Variants in RELN observed in about 807,000 individuals in gnomAD.
RELN encodes the protein reelin.
Under a neutral mutation model 427.6 loss-of-function variants are expected in RELN, and 108 were observed. The ratio of observed to expected loss-of-function variants is 0.25; its 90% CI spans 0.22 to 0.30. The LOEUF is 0.30. Ranked by LOEUF, RELN falls within the 10% of genes least tolerant of loss-of-function variation. RELN has a pLI of 1.00. For synonymous variants in RELN, 1,524 were observed against 1,513.4 expected, an observed-to-expected ratio of 1.01 and a Z score of -0.16; for missense variants, 3,715 against 4,302.8, an observed-to-expected ratio of 0.86 and a Z score of 3.82.
intron 11 of RELN, among the ~76,000 whole-genome samples, chr7:103,665,058 T>C (rs1054505064): frequency 3.3e-5 from 5 of 152,182 alleles, no homozygotes; most frequent in Non-Finnish European, 5.9e-5. Flanking sequence ...TTCTAAAAGT[T>C]TTAAAGCTTT....
chr7:103,895,605 G>A (rs1157283940), intron 2 of RELN, among the ~76,000 whole-genome samples: 1 of 152,022 alleles, frequency 6.6e-6, no homozygotes, highest in Non-Finnish European at 1.5e-5. Context: ...TCATGAAAAT[G>A]GTCCTGATTT....
intron 1 of RELN, among the ~76,000 whole-genome samples, chr7:103,943,146 C>T (rs901511808): frequency 1.3e-5 from 2 of 152,056 alleles, no homozygotes; most frequent in African/African-American, 2.4e-5. Context: ...TAAGAATAAC[C>T]GTATCATTGA....
intron 51 of RELN, among the ~76,000 whole-genome samples, chr7:103,506,085 C>T (rs548699092): frequency 3.2e-4 from 48 of 152,082 alleles, no homozygotes; most frequent in Non-Finnish European, 6.2e-4. Flanking sequence ...TATGGGACTA[C>T]GTGAAAAGAC....
intron 3 of RELN, among the ~76,000 whole-genome samples, chr7:103,803,286 C>T (rs536036268): frequency 6.6e-6 from 1 of 152,146 alleles, no homozygotes; most frequent in Non-Finnish European, 1.5e-5. Context: ...AATGTACTCA[C>T]AGTGATGATG....
intron 60 of RELN, 120 bp downstream of exon 60, chr7:103,489,622 G>A (rs1828579849): frequency 8.6e-7 from 1 of 1,157,648 alleles, no homozygotes; most frequent in East Asian, 2.6e-5. Flanking sequence ...AGTGTGTCAT[G>A]AATCTCAGAT....
intron 1 of RELN, among the ~76,000 whole-genome samples, chr7:103,972,894 A>ATGTATGTGTGTG (rs1554450649): frequency 8.7e-5 from 13 of 149,272 alleles, no homozygotes; most frequent in African/African-American, 2.7e-4. Flanking sequence ...GCATATGATT[A>ATGTATGTGTGTG]TGTGTGTGTG....
intron 46 of RELN, among the ~76,000 whole-genome samples, chr7:103,528,892 C>T (rs950792312): frequency 3.3e-5 from 5 of 151,270 alleles, no homozygotes; most frequent in African/African-American, 1.2e-4. Context: ...AATCCCAGCA[C>T]TTTGGGAGGC....
intron 6 of RELN, among the ~76,000 whole-genome samples, chr7:103,745,667 T>C (rs1308030715): frequency 2.0e-5 from 3 of 150,830 alleles, no homozygotes; most frequent in African/African-American, 4.9e-5. Flanking sequence ...CCATTCACAA[T>C]TGCTTCAAAG....
At chr7:103,928,235 C>T (rs1293491630) in intron 1 of RELN, among the ~76,000 whole-genome samples, 3 of 152,192 alleles carry the variant, frequency 2.0e-5, no homozygotes, top group Non-Finnish European at 4.4e-5. Flanking sequence ...ATGCTGGACT[C>T]AAATTCTGTA....
chr7:103,606,490 TA>T (rs1318416513), intron 22 of RELN, among the ~76,000 whole-genome samples: 1 of 152,160 alleles, frequency 6.6e-6, no homozygotes, highest in Non-Finnish European at 1.5e-5. Context: ...ACCTCTCAAA[TA>T]AAAGGTTTAG....
At position 103,626,063 on chromosome 7, in the gene RELN, T is replaced by C. The variant is rs915430084; in HGVS notation, c.2702+3877A>G. Among the ~76,000 whole-genome samples the C allele has an allele frequency of 6.6e-6, 1 of 152,006 alleles. No homozygotes were observed. Among genetic ancestry groups the C allele is most frequent in the Non-Finnish European group, 1.5e-5 (1 of 67,946 alleles). ...AATGGGTAGAAATTCTGGGTGGAGC[T>C]AGAAGTCAGGGATGTTTGTCATACA... is the stretch of plus-strand genomic sequence containing the variant. On this transcript the variant is annotated intron_variant, in intron 20 of 64. Coordinates refer to ENST00000428762, the MANE Select transcript of RELN (RefSeq NM_005045.4). This position sits in a 1 kb window ranked among gnomAD's most constrained non-coding sequence, Gnocchi z 4.4.
Position 103,535,424 on chromosome 7 carries a change from C to T in RELN, c.7241G>A (p.Cys2414Tyr). The T allele has an allele frequency of 6.2e-7, 1 of 1,613,922 alleles. No homozygotes were observed. Among genetic ancestry groups the T allele is most frequent in the Non-Finnish European group, 8.5e-7 (1 of 1,179,822 alleles). The change falls in exon 46 of 65, where the codon TGT (cysteine) becomes TAT (tyrosine). Residue 2414 changes from cysteine to tyrosine, a missense_variant. This residue lies in a region of RELN where 1,310 missense variants were observed against 1,643.0 expected (regional missense o/e 0.80). Coordinates refer to ENST00000428762, the MANE Select transcript of RELN (RefSeq NM_005045.4). ...ACTGCATTCCACATTGGTAGGCAGA[C>T]AGTCCCTTACCAATGGGTGCCATGA... is the stretch of plus-strand genomic sequence containing the variant. ...GLSWHPLVRD[C>Y]LPTNVECSRY...
intron 2 of RELN, among the ~76,000 whole-genome samples, chr7:103,866,810 T>A (rs1794210624): frequency 6.6e-6 from 1 of 152,008 alleles, no homozygotes; most frequent in Non-Finnish European, 1.5e-5. Context: ...AATATTTTCT[T>A]TACATCATCC....
intron 43 of RELN, among the ~76,000 whole-genome samples, chr7:103,540,963 C>T (rs1414543043): frequency 6.6e-6 from 1 of 152,188 alleles, no homozygotes; most frequent in Non-Finnish European, 1.5e-5. Context: ...TTGGGAGGCA[C>T]ATTTAAATTC....
intron 2 of RELN, among the ~76,000 whole-genome samples, chr7:103,889,393 G>A (rs1020692128): frequency 1.3e-5 from 2 of 152,136 alleles, no homozygotes; most frequent in African/African-American, 4.8e-5. Context: ...TCTCTTTTGG[G>A]AATGCTACCA....
chr7:103,701,980 T>G (rs2115801765), intron 8 of RELN, among the ~76,000 whole-genome samples: 1 of 152,340 alleles, frequency 6.6e-6, no homozygotes. Context: ...TCAGTGGTGT[T>G]TAGTACAAAA....
chr7:103,631,192 T>C (rs1220131482), intron 19 of RELN, among the ~76,000 whole-genome samples: 1 of 147,552 alleles, frequency 6.8e-6, no homozygotes, highest in African/African-American at 2.5e-5. Context: ...CTTGTTGCAA[T>C]AGAAGAAAAC....
At chr7:103,771,358 C>A (rs1018821199) in intron 4 of RELN, among the ~76,000 whole-genome samples, 17 of 152,064 alleles carry the variant, frequency 1.1e-4, no homozygotes, top group Non-Finnish European at 2.2e-4. Context: ...TGCCTCTTCT[C>A]CAGAGTTCCC....
intron 8 of RELN, among the ~76,000 whole-genome samples, chr7:103,712,703 C>T (rs1030567956): frequency 2.6e-5 from 4 of 152,172 alleles, no homozygotes; most frequent in Admixed American, 1.3e-4. Flanking sequence ...TCAAACTTTG[C>T]CACCACATAC....
Sources: gnomAD v4.1 joint callset for allele counts (sites outside exome capture counted in the v4.1 genomes callset) on GRCh38, gnomAD v4.1.1 for gene constraint, gnomAD v4.1.1 regional missense constraint, Gnocchi (gnomAD v3.1) non-coding constraint, MANE v1.5 for transcripts, NCBI Gene and HGNC (gene_info 2026-07-23, HGNC 2026-07-21) for gene names.